The following EPB41L2 variants were observed in gnomAD, a reference collection of about 807,000 sequenced individuals.
EPB41L2 encodes erythrocyte membrane protein band 4.1 like 2.
A neutral mutation model predicts 113.0 loss-of-function variants in EPB41L2; 43 were observed. The ratio of observed to expected loss-of-function variants is 0.38; its 90% CI spans 0.30 to 0.49. The LOEUF is 0.49. EPB41L2 is among the 20% of genes least tolerant of loss of function. EPB41L2 has a pLI of 0.95. For missense variants in EPB41L2, 1,147 were observed against 1,223.4 expected, an observed-to-expected ratio of 0.94 and a Z score of 0.93; for synonymous variants, 442 against 436.7, an observed-to-expected ratio of 1.01 and a Z score of -0.15.
chr6:130,963,365 T>A (rs888543388), intron 1 of EPB41L2, among the ~76,000 whole-genome samples: 4 of 152,228 alleles, frequency 2.6e-5, no homozygotes, highest in African/African-American at 9.6e-5. Context: ...GTTGTCAAAG[T>A]ATTCCATTTT....
chr6:131,016,129 T>C (rs1043402739), intron 1 of EPB41L2, among the ~76,000 whole-genome samples: 1 of 149,170 alleles, frequency 6.7e-6, no homozygotes, highest in Non-Finnish European at 1.5e-5. Context: ...AGAAATCTTC[T>C]ATGAGAAGAG....
chr6:130,887,039 C>T (rs1328463949), intron 11 of EPB41L2, among the ~76,000 whole-genome samples: 1 of 152,116 alleles, frequency 6.6e-6, no homozygotes, highest in African/African-American at 2.4e-5. Context: ...ATGATTTCTA[C>T]ACACCTATTA....
intron 1 of EPB41L2, among the ~76,000 whole-genome samples, chr6:131,030,606 A>C (rs1381007194): frequency 1.4e-4 from 22 of 152,192 alleles, no homozygotes; most frequent in Admixed American, 1.4e-3. Flanking sequence ...AGTATGAAAC[A>C]ATTTTCTTAA....
At chr6:130,878,547 A>G (rs968577305) in intron 13 of EPB41L2, 4 of 268,862 alleles carry the variant, frequency 1.5e-5, no homozygotes, top group South Asian at 4.9e-5. Flanking sequence ...ATTATCAGAA[A>G]GATGACATGG....
At chr6:130,876,795 A>G (rs1787712343) in intron 14 of EPB41L2, 1 of 1,282,420 alleles carries the variant, frequency 7.8e-7, no homozygotes, top group Admixed American at 2.3e-5. Context: ...TAAACAATAG[A>G]CATAATCAAC....
At chr6:130,849,152 A>ACTCCCAGCCTGG (rs1161204876) in intron 19 of EPB41L2, among the ~76,000 whole-genome samples, 3 of 152,350 alleles carry the variant, frequency 2.0e-5, no homozygotes, top group Non-Finnish European at 4.4e-5. Context: ...GTGGTGACCT[A>ACTCCCAGCCTGG]GAGAGCTCCT....
chr6:130,944,496 A>G (rs1035265071), intron 3 of EPB41L2, among the ~76,000 whole-genome samples: 2 of 152,232 alleles, frequency 1.3e-5, no homozygotes, highest in African/African-American at 4.8e-5. Context: ...ACAAGAGTTT[A>G]GCAGTTGTTC....
chr6:130,875,133 T>C (rs1174935829), intron 14 of EPB41L2, among the ~76,000 whole-genome samples: 1 of 152,206 alleles, frequency 6.6e-6, no homozygotes, highest in Non-Finnish European at 1.5e-5. Flanking sequence ...ATAAACTCCT[T>C]ATTTCTACTT....
chr6:130,915,631 G>T (rs940708912), intron 4 of EPB41L2, among the ~76,000 whole-genome samples: 1 of 152,144 alleles, frequency 6.6e-6, no homozygotes, highest in Admixed American at 6.5e-5. Flanking sequence ...AACACATAAT[G>T]ATATGGTTTG....
intron 1 of EPB41L2, among the ~76,000 whole-genome samples, chr6:131,019,803 T>C (rs1789036785): frequency 6.6e-6 from 1 of 152,258 alleles, no homozygotes. Flanking sequence ...ATGGGTGACA[T>C]TTACCTGTAG....
At chr6:130,974,211 CAG>C (rs1013007463) in intron 1 of EPB41L2, among the ~76,000 whole-genome samples, 10 of 152,096 alleles carry the variant, frequency 6.6e-5, no homozygotes, top group African/African-American at 2.4e-4. Flanking sequence ...AAAGAAGCAC[CAG>C]AGAACTTGTG....
chr6:130,922,361 A>C (rs1341291346), intron 4 of EPB41L2, among the ~76,000 whole-genome samples: 2 of 152,270 alleles, frequency 1.3e-5, no homozygotes, highest in Non-Finnish European at 2.9e-5. Context: ...GAATTTGAGA[A>C]CATGAAAAAT....
chr6:130,867,801 C>G, intron 15 of EPB41L2: 2 of 499,144 alleles, frequency 4.0e-6, no homozygotes, highest in East Asian at 7.7e-5. Context: ...CACATAGATA[C>G]GTACATATAT....
chr6:130,867,769 T>C (rs1784271526), intron 15 of EPB41L2, 188 bp from the exon 16 acceptor site: 5 of 606,644 alleles, frequency 8.2e-6, no homozygotes, highest in Non-Finnish European at 8.7e-6. Context: ...AAATATATCA[T>C]ATATACACAT....
chr6:130,902,536 C>T (rs1711581212), intron 6 of EPB41L2, among the ~76,000 whole-genome samples: 1 of 152,114 alleles, frequency 6.6e-6, no homozygotes, highest in South Asian at 2.1e-4. Flanking sequence ...TGCAGATCTC[C>T]TTTTAAGGAG....
chr6:130,977,158 C>T (rs913279395), intron 1 of EPB41L2, among the ~76,000 whole-genome samples: 1 of 152,198 alleles, frequency 6.6e-6, no homozygotes, highest in Non-Finnish European at 1.5e-5. Context: ...AAAACAAAAG[C>T]ACCTACCACA....
intron 1 of EPB41L2, among the ~76,000 whole-genome samples, chr6:131,004,554 A>C (rs1785029221): frequency 6.6e-6 from 1 of 152,214 alleles, no homozygotes. Context: ...CTTCTAAGGA[A>C]AGCATGCAGT....
intron 14 of EPB41L2, chr6:130,870,488 T>C: frequency 8.4e-7 from 1 of 1,192,878 alleles, no homozygotes; most frequent in African/African-American, 1.5e-5. Context: ...AGAATCAACA[T>C]CTACAGAAAC....
At chr6:130,865,470 A>C in intron 17 of EPB41L2, 66 bp downstream of exon 17, 2 of 1,491,474 alleles carry the variant, frequency 1.3e-6, no homozygotes, top group African/African-American at 1.4e-5. Context: ...GAAGAGAGAA[A>C]CAATTCAGAA....
Sources: allele counts gnomAD v4.1 joint callset (sites outside exome capture counted in the v4.1 genomes callset), GRCh38; gene constraint gnomAD v4.1.1; transcripts MANE v1.5; gene names NCBI Gene and HGNC (gene_info 2026-07-23, HGNC 2026-07-21).